Variants in ADK observed in about 807,000 individuals in gnomAD.
ADK encodes N6,N6-dimethyladenosine kinase.
In ADK, 24 loss-of-function variants were observed where a neutral mutation model predicts 44.7. The ratio of observed to expected loss-of-function variants is 0.54; its 90% confidence interval spans 0.39 to 0.76. The LOEUF is 0.76. Among genes scored for constraint, ADK ranks in the 30% least tolerant of loss-of-function variants. The pLI is 0.00. For synonymous variants in ADK, 128 were observed against 142.6 expected (o/e 0.90, Z 0.73); for missense variants, 321 against 425.1 (o/e 0.76, Z 2.15).
intron 3 of ADK, among the ~76,000 whole-genome samples, chr10:74,288,873 T>C (rs1185496050): frequency 6.6e-6 from 1 of 152,226 alleles, no homozygotes; most frequent in Non-Finnish European, 1.5e-5. Flanking sequence ...TTTGCTTTCT[T>C]AATATTCATG....
chr10:74,690,089 C>G (rs1376907729), intron 10 of ADK, among the ~76,000 whole-genome samples: 1 of 152,248 alleles, frequency 6.6e-6, no homozygotes, highest in Non-Finnish European at 1.5e-5. Flanking sequence ...CAAGCAGTCT[C>G]TTTCCTAGTA....
intron 10 of ADK, among the ~76,000 whole-genome samples, chr10:74,694,313 G>C (rs1459813574): frequency 6.6e-6 from 1 of 151,698 alleles, no homozygotes; most frequent in African/African-American, 2.4e-5. Flanking sequence ...AACCTTGGGA[G>C]GCTGAGGTGG....
At chr10:74,349,575 A>C (rs564292501) in intron 4 of ADK, among the ~76,000 whole-genome samples, 2 of 152,338 alleles carry the variant, frequency 1.3e-5, no homozygotes, top group East Asian at 3.9e-4. Flanking sequence ...TATTAACCTT[A>C]GCTGTACATG....
chr10:74,416,033 T>TACACACACACAC, intron 6 of ADK, among the ~76,000 whole-genome samples: 1 of 145,428 alleles, frequency 6.9e-6, no homozygotes, highest in Admixed American at 6.9e-5. Flanking sequence ...CATACATATA[T>TACACACACACAC]ACACACACAC....
At chr10:74,672,052 A>G (rs1195250345) in intron 10 of ADK, among the ~76,000 whole-genome samples, 1 of 152,246 alleles carries the variant, frequency 6.6e-6, no homozygotes, top group African/African-American at 2.4e-5. Flanking sequence ...GGTTACAACG[A>G]TAAATAAACT....
intron 6 of ADK, among the ~76,000 whole-genome samples, chr10:74,458,146 T>G (rs111491239): frequency 0.55 from 57,969 of 105,582 alleles, 14,323 homozygotes; most frequent in Middle Eastern, 0.73. Flanking sequence ...TTTTTTTTTT[T>G]GGGGGGAGAA....
At chr10:74,351,259 G>C (rs1841954507) in intron 4 of ADK, among the ~76,000 whole-genome samples, 1 of 152,114 alleles carries the variant, frequency 6.6e-6, no homozygotes, top group Non-Finnish European at 1.5e-5. Context: ...TGTAAGGCTG[G>C]TTCAACATAC....
chr10:74,317,601 C>T (rs1242460496), intron 4 of ADK, among the ~76,000 whole-genome samples: 2 of 151,438 alleles, frequency 1.3e-5, no homozygotes, highest in African/African-American at 2.4e-5. Flanking sequence ...AAAATGACTT[C>T]CTTGGATATG....
chr10:74,671,416 A>G (rs1229514794), intron 10 of ADK, among the ~76,000 whole-genome samples: 1 of 152,106 alleles, frequency 6.6e-6, no homozygotes, highest in Non-Finnish European at 1.5e-5. Flanking sequence ...CAGGCTGGTC[A>G]TGCCCAGTCT....
At position 74,603,930 on chromosome 10, in the gene ADK, A is replaced by G. The variant is rs1852229650; in HGVS notation, c.877+3437A>G. 1.3e-5 allele frequency among the ~76,000 whole-genome samples: 2 copies of G among 152,122 alleles called. 1 individual carries two copies. Among genetic ancestry groups the G allele is most frequent in the South Asian group, 4.1e-4 (2 of 4,826 alleles). On this transcript the variant is annotated intron_variant, in intron 9 of 10. Coordinates refer to ENST00000539909, the MANE Select transcript of ADK (RefSeq NM_006721.4). ...GCATTTGTTGTTTTATGACTTTTTAATGATCACCATTCTAACTGACATGAG... is the reference window on the plus strand; with the variant it reads ...GCATTTGTTGTTTTATGACTTTTTAGTGATCACCATTCTAACTGACATGAG...
intron 3 of ADK, among the ~76,000 whole-genome samples, chr10:74,251,590 A>G (rs998302193): frequency 6.6e-6 from 1 of 152,328 alleles, no homozygotes; most frequent in African/African-American, 2.4e-5. Context: ...TATTATTACT[A>G]TCTGGATTTT....
intron 1 of ADK, among the ~76,000 whole-genome samples, chr10:74,172,137 C>CTTTTTTT (rs3998223): frequency 8.2e-6 from 1 of 122,682 alleles, no homozygotes; most frequent in African/African-American, 3.1e-5. Flanking sequence ...CATGGATTTT[C>CTTTTTTT]TTTTTTTTTT....
At chr10:74,365,329 C>T (rs953083953) in intron 4 of ADK, among the ~76,000 whole-genome samples, 3 of 152,104 alleles carry the variant, frequency 2.0e-5, no homozygotes, top group Admixed American at 6.6e-5. Flanking sequence ...TTTCTGTGTC[C>T]GTGGGTTTAC....
intron 7 of ADK, among the ~76,000 whole-genome samples, chr10:74,563,704 A>C (rs1010190372): frequency 6.6e-6 from 1 of 152,228 alleles, no homozygotes; most frequent in African/African-American, 2.4e-5. Context: ...ATATGTCTAA[A>C]TATGGCAAGT....
At chr10:74,349,581 A>T (rs184802166) in intron 4 of ADK, among the ~76,000 whole-genome samples, 2 of 152,374 alleles carry the variant, frequency 1.3e-5, no homozygotes, top group African/African-American at 4.8e-5. Flanking sequence ...CCTTAGCTGT[A>T]CATGGCCTAA....
intron 7 of ADK, among the ~76,000 whole-genome samples, chr10:74,565,500 G>T (rs1850628970): frequency 6.6e-6 from 1 of 152,126 alleles, no homozygotes; most frequent in African/African-American, 2.4e-5. Context: ...GGCTGAGGCG[G>T]GCAGATCACC....
At chr10:74,464,707 GC>G (rs1846290463) in intron 6 of ADK, among the ~76,000 whole-genome samples, 1 of 152,064 alleles carries the variant, frequency 6.6e-6, no homozygotes, top group Non-Finnish European at 1.5e-5. Flanking sequence ...AGCAGGCCAG[GC>G]ACAGTGGCTG....
intron 9 of ADK, among the ~76,000 whole-genome samples, chr10:74,620,078 AT>A (rs1304280159): frequency 1.3e-5 from 2 of 152,178 alleles, no homozygotes; most frequent in African/African-American, 4.8e-5. Flanking sequence ...CAATTAGCAT[AT>A]CCATCATCTC....
In ADK at chr10:74,612,769, G is replaced by T. The variant is rs1254834043; in HGVS notation, c.877+12276G>T. Among the ~76,000 whole-genome samples the T allele has an allele frequency of 2.6e-5, 4 of 152,126 alleles. 2 individuals are homozygous for T. The highest frequency in any genetic ancestry group is 2.6e-4 in the Admixed American group (4 of 15,258). On this transcript the variant is annotated intron_variant, in intron 9 of 10. Coordinates refer to ENST00000539909, the MANE Select transcript of ADK (RefSeq NM_006721.4). Reference sequence around the variant, plus strand: ...ATTTTTATAGTTTGAGGTTTTATGTGTAAGTCTTTAATCTATCTTGAGTTA... The same window carrying T: ...ATTTTTATAGTTTGAGGTTTTATGTTTAAGTCTTTAATCTATCTTGAGTTA...
Sources: gnomAD v4.1 joint callset for allele counts (sites outside exome capture counted in the v4.1 genomes callset) on GRCh38, gnomAD v4.1.1 for gene constraint, MANE v1.5 for transcripts, NCBI Gene and HGNC (gene_info 2026-07-23, HGNC 2026-07-21) for gene names.